RPAP2: variants seen among roughly 807,000 people sequenced by gnomAD.
RPAP2 encodes putative RNA polymerase II subunit B1 CTD phosphatase RPAP2.
Under a neutral mutation model 73.1 loss-of-function variants are expected in RPAP2, and 52 were observed. The observed-to-expected ratio is 0.71, with a 90% CI of 0.57 to 0.90. The LOEUF (loss-of-function observed/expected upper bound fraction) is 0.90, where lower values mean the gene tolerates loss of function less well. Ranked by LOEUF, RPAP2 falls within the 40% of genes least tolerant of loss-of-function variation. The pLI, the probability that RPAP2 is intolerant of heterozygous loss-of-function variation, is 0.00. For synonymous variants in RPAP2, 225 were observed against 242.1 expected (o/e 0.93, Z 0.65); for missense variants, 598 against 701.8 (o/e 0.85, Z 1.67).
At chr1:92,312,828 TTTTC>T (rs1651675458) in intron 6 of RPAP2, among the ~76,000 whole-genome samples, 1 of 152,082 alleles carries the variant, frequency 6.6e-6, no homozygotes, top group South Asian at 2.1e-4. Flanking sequence ...TTTTTTCCTT[TTTTC>T]TTTTTTTCAG....
intron 10 of RPAP2, among the ~76,000 whole-genome samples, chr1:92,343,256 G>C (rs1383238367): frequency 2.6e-5 from 4 of 152,144 alleles, no homozygotes; most frequent in Non-Finnish European, 5.9e-5. Flanking sequence ...ATTAAGATGA[G>C]GGTTGCGAAA....
intron 10 of RPAP2, among the ~76,000 whole-genome samples, chr1:92,340,266 A>G (rs1653522979): frequency 6.6e-6 from 1 of 152,234 alleles, no homozygotes; most frequent in Non-Finnish European, 1.5e-5. Flanking sequence ...TCAGTTGCTT[A>G]GAATACAGAA....
Position 92,333,206 on chromosome 1 carries a change from AAAG to A in RPAP2, c.1456-181_1456-179del, listed in dbSNP as rs1653077258. 30 of 547,828 alleles carry A rather than the reference AAAG, an allele frequency of 5.5e-5. No homozygotes were observed. The South Asian group carries it at 7.9e-4, about 15-fold the overall frequency. 33.9% of individuals were successfully genotyped at this position (547,828 alleles called of 1,614,324 possible). ...ACTCTCCAAAGAGGGCAAATGACTC[AAAG>A]AAGTTCACAACAGCCTAACAACTGA... On this transcript the variant is annotated intron_variant, in intron 8 of 12. Coordinates refer to ENST00000610020, the MANE Select transcript of RPAP2 (RefSeq NM_024813.3).
chr1:92,323,845 T>C lies in RPAP2; in HGVS notation c.925T>C (p.Leu309=), dbSNP rs1652460623. 1 of 1,613,836 alleles carries C rather than the reference T, an allele frequency of 6.2e-7. No individual in the cohort carries two copies. Residue 309 remains leucine (L), a synonymous_variant, in exon 8 of 13, where the codon TTA becomes CTA. Coordinates refer to ENST00000610020, the MANE Select transcript of RPAP2 (RefSeq NM_024813.3). ...SSSNSTLPER[L]KASENSESEY... is the part of the protein sequence containing the mutation. Reference sequence around the variant, plus strand: ...TTCAAATAGCACTTTGCCTGAAAGATTAAAAGCGTCAGAAAATTCTGAAAG... The same window carrying C: ...TTCAAATAGCACTTTGCCTGAAAGACTAAAAGCGTCAGAAAATTCTGAAAG...
In RPAP2 at chr1:92,389,583, TAAC is replaced by T. The variant is rs1235570345; in HGVS notation, c.*2575_*2577del. On this transcript the variant is annotated 3_prime_UTR_variant, in exon 13 of 13. Coordinates refer to ENST00000610020, the MANE Select transcript of RPAP2 (RefSeq NM_024813.3). ...GAAGTAGGCTTCAGAAGGTCGGTAATAACAAACTTCTCCAAGCTAAAGGAGCAT... is the reference window on the plus strand; with the variant it reads ...GAAGTAGGCTTCAGAAGGTCGGTAATAAACTTCTCCAAGCTAAAGGAGCAT... The T allele has an allele frequency of 3.9e-5, 6 of 152,238 alleles. No individual in the cohort carries two copies. Among genetic ancestry groups the T allele is most frequent in the African/African-American group, 1.2e-4 (5 of 41,554 alleles). The allele number at this position is 152,238 out of a possible 1,614,324, so 9.4% of individuals were successfully genotyped here.
chr1:92,332,196 T>G (rs1653009512), intron 8 of RPAP2, among the ~76,000 whole-genome samples: 1 of 152,028 alleles, frequency 6.6e-6, no homozygotes, highest in African/African-American at 2.4e-5. Context: ...CTGTGCTTCA[T>G]TCTGGATATT....
chr1:92,374,484 T>G (rs1471240636), intron 11 of RPAP2, among the ~76,000 whole-genome samples: 1 of 152,178 alleles, frequency 6.6e-6, no homozygotes, highest in Non-Finnish European at 1.5e-5. Context: ...GAATAGAACC[T>G]TATCTCCAAG....
chr1:92,384,312 T>C (rs1196395582), intron 12 of RPAP2, among the ~76,000 whole-genome samples: 1 of 151,864 alleles, frequency 6.6e-6, no homozygotes, highest in African/African-American at 2.4e-5. Flanking sequence ...TTGAAAGAGG[T>C]GATTTTGGTG....
At chr1:92,356,580 G>C (rs1431115963) in intron 11 of RPAP2, among the ~76,000 whole-genome samples, 1 of 110,398 alleles carries the variant, frequency 9.1e-6, no homozygotes, top group Non-Finnish European at 1.8e-5. Context: ...CACCACTCCT[G>C]GCTAATTTTT....
intron 10 of RPAP2, among the ~76,000 whole-genome samples, chr1:92,337,865 G>A (rs916346168): frequency 2.0e-5 from 3 of 152,054 alleles, no homozygotes; most frequent in Non-Finnish European, 2.9e-5. Flanking sequence ...GTGACTACTA[G>A]TAGGTAATAC....
chr1:92,326,020 T>C (rs1000993607), intron 8 of RPAP2, among the ~76,000 whole-genome samples: 11 of 152,104 alleles, frequency 7.2e-5, no homozygotes, highest in African/African-American at 2.7e-4. Flanking sequence ...TCTGCTAATA[T>C]GCGTATGTAT....
chr1:92,386,986 C>G, intron 12 of RPAP2, 25 bp from the exon 13 acceptor site: 1 of 1,585,034 alleles, frequency 6.3e-7, no homozygotes, highest in Non-Finnish European at 8.6e-7. Flanking sequence ...ATGTTTTACT[C>G]AAAGTATCCT....
At chr1:92,329,790 C>T (rs1652853399) in intron 8 of RPAP2, among the ~76,000 whole-genome samples, 1 of 152,118 alleles carries the variant, frequency 6.6e-6, no homozygotes, top group African/African-American at 2.4e-5. Flanking sequence ...TGGATTTGGT[C>T]CTCCTAATAT....
chr1:92,334,520 G>A (rs1487668777), intron 9 of RPAP2, among the ~76,000 whole-genome samples: 1 of 152,028 alleles, frequency 6.6e-6, no homozygotes, highest in Non-Finnish European at 1.5e-5. Context: ...ATGACATGAC[G>A]ACAGGGATTT....
intron 10 of RPAP2, among the ~76,000 whole-genome samples, chr1:92,344,001 C>G (rs1653740018): frequency 6.6e-6 from 1 of 152,162 alleles, no homozygotes; most frequent in Non-Finnish European, 1.5e-5. Flanking sequence ...ATTCTTCGTT[C>G]CTCCCCAGAA....
rs548147866 is a variant in RPAP2, at chr1:92,354,323, A to G, written c.1688+8409A>G. Among the ~76,000 whole-genome samples, 12 of 152,328 alleles carry G rather than the reference A, an allele frequency of 7.9e-5. No individual in the cohort carries two copies. In the East Asian group the frequency reaches 2.3e-3, roughly 29 times the overall value. ...ATTACATTTCAATCTTAGAGTATTG[A>G]AAAAAAGCTGGAGACACTATTCTGA... On this transcript the variant is annotated intron_variant, in intron 11 of 12. Transcript: ENST00000610020.
chr1:92,299,067 C>CT lies in RPAP2; in HGVS notation c.-6dup, dbSNP rs769320478. The CT allele has an allele frequency of 4.7e-6, 7 of 1,491,020 alleles. No individual in the cohort carries two copies. Among genetic ancestry groups the CT allele is most frequent in the South Asian group, 2.6e-5 (2 of 78,044 alleles). The allele number at this position is 1,491,020 out of a possible 1,614,324, so 92.4% of individuals were successfully genotyped here. A position where few individuals can be genotyped will look rare whatever the true frequency, so the allele number is the denominator to read the frequency against. ...GCGTGTCCCCGTCCGGCAGACTACT[C>CT]TCCCCCATGGCGGACTTCGCTGGGC... On this transcript the variant is annotated 5_prime_UTR_variant, in exon 1 of 13. Coordinates refer to ENST00000610020, the MANE Select transcript of RPAP2 (RefSeq NM_024813.3).
intron 1 of RPAP2, among the ~76,000 whole-genome samples, chr1:92,299,384 C>T (rs1327436398): frequency 1.3e-5 from 2 of 152,286 alleles, no homozygotes; most frequent in East Asian, 3.9e-4. Context: ...GTGGCCCCAG[C>T]CTCTGAGACA....
At chr1:92,375,442 C>T (rs1655343358) in intron 11 of RPAP2, among the ~76,000 whole-genome samples, 1 of 152,138 alleles carries the variant, frequency 6.6e-6, no homozygotes. Context: ...CACCTGTAAT[C>T]CTAGCACTTT....
Sources: gnomAD v4.1 joint callset for allele counts (sites outside exome capture counted in the v4.1 genomes callset) on GRCh38, gnomAD v4.1.1 for gene constraint, MANE v1.5 for transcripts, NCBI Gene and HGNC (gene_info 2026-07-23, HGNC 2026-07-21) for gene names.